PCDHGB3: variants seen among roughly 807,000 people sequenced by gnomAD.
PCDHGB3 encodes the protein protocadherin gamma subfamily B, 3, also known as protocadherin gamma-B3.
Under a neutral mutation model 59.2 loss-of-function variants are expected in PCDHGB3, and 40 were observed. The ratio of observed to expected loss-of-function variants is 0.68; its 90% CI spans 0.52 to 0.88. The LOEUF is 0.88. PCDHGB3 is among the 40% of genes least tolerant of loss of function. The probability of loss-of-function intolerance (pLI) is 0.00; values close to 1 mark genes in which losing one functional copy is unlikely to be tolerated. For synonymous variants in PCDHGB3, 581 were observed against 503.6 expected (o/e 1.15, Z -2.06); for missense variants, 1,309 against 1,187.9 (o/e 1.10, Z -1.50).
chr5:141,474,961 AATC>A (rs2099357151), intron 1 of PCDHGB3, among the ~76,000 whole-genome samples: 1 of 152,254 alleles, frequency 6.6e-6, no homozygotes, highest in African/African-American at 2.4e-5. Flanking sequence ...TCACTATCCT[AATC>A]ATTATAATTT....
Position 141,510,957 on chromosome 5 carries a change from T to C in PCDHGB3, c.2574T>C (p.Asp858=), listed in dbSNP as rs372617587. ...MILASASEAA[D]GSSTLGGGAG... ...CCTCTGTCTCTGCAGAAGCTGCTGA[T>C]GGGAGCTCCACCCTGGGAGGGGGTG... Residue 858 remains aspartate, a synonymous_variant, in exon 4 of 4, where the codon GAT becomes GAC. Transcript: ENST00000576222. 2.5e-6 allele frequency: 4 copies of C among 1,614,134 alleles called. No individual in the cohort carries two copies. The highest frequency in any genetic ancestry group is 3.4e-6 in the Non-Finnish European group (4 of 1,180,004).
intron 1 of PCDHGB3, chr5:141,377,997 G>C (rs1774530725): frequency 6.6e-6 from 1 of 152,122 alleles, no homozygotes; most frequent in African/African-American, 2.4e-5. Flanking sequence ...CCTAAAGCTT[G>C]GCTCAAATAA....
chr5:141,434,194 G>A (rs913533813), intron 1 of PCDHGB3, among the ~76,000 whole-genome samples: 7 of 152,190 alleles, frequency 4.6e-5, no homozygotes, highest in African/African-American at 4.8e-5. Flanking sequence ...TAATTCCAAT[G>A]TACTTACTTC....
At position 141,385,121 on chromosome 5, in the gene PCDHGB3, T is replaced by C. The variant is rs748623262; in HGVS notation, c.2415+12312T>C. On this transcript the variant is annotated intron_variant, in intron 1 of 3. Transcript: ENST00000576222. The stretch of plus-strand genomic sequence containing the variant: ...GCGAACGTGCCCACCTCGCACTTTG[T>C]GGGCATGGACGGGGTGCAGGCTTTC... 14 of 1,614,214 alleles carry C rather than the reference T, an allele frequency of 8.7e-6. No homozygotes were observed. The Admixed American group carries it at 2.3e-4, about 27-fold the overall frequency.
chr5:141,415,056 G>T, intron 1 of PCDHGB3: 1 of 1,613,416 alleles, frequency 6.2e-7, no homozygotes. Context: ...GGGAGCACAC[G>T]GGCGAGGTGC....
intron 2 of PCDHGB3, among the ~76,000 whole-genome samples, chr5:141,502,478 A>G (rs2099814452): frequency 6.6e-6 from 1 of 150,896 alleles, no homozygotes; most frequent in Non-Finnish European, 1.5e-5. Flanking sequence ...CCGCAGCATC[A>G]CACTGGGACT....
rs1485856773 is a variant in PCDHGB3, at chr5:141,372,043, T to A, written c.1649T>A (p.Val550Glu). ...CTCAGCGCCAACGTGAGCCTGCGCG[T>A]GTTGGTGGACGACCGCAACGACAAT... ...PTLSANVSLR[V>E]LVDDRNDNAP... The change falls in exon 1 of 4, where the codon GTG becomes GAG. Residue 550 changes from valine to glutamate, a missense_variant. Coordinates refer to ENST00000576222, the MANE Select transcript of PCDHGB3 (RefSeq NM_018924.5). The A allele has an allele frequency of 1.9e-6, 3 of 1,613,326 alleles. No individual in the cohort carries two copies. The highest frequency in any genetic ancestry group is 1.7e-5 in the Admixed American group (1 of 59,994).
rs1344329529 is a variant in PCDHGB3, at chr5:141,456,847, C to T, written c.2416-37960C>T. Among the ~76,000 whole-genome samples the T allele has an allele frequency of 2.0e-5, 3 of 152,084 alleles. No homozygotes were observed. The East Asian group carries it at 5.8e-4, about 29-fold the overall frequency. ...TCGTGGTAGTGGGCGCCTGTAATCC[C>T]AGCTAATTGGGAGGCTGAGGCAGGA... On this transcript the variant is annotated intron_variant, in intron 1 of 3. Transcript: ENST00000576222.
chr5:141,495,034 A>C (rs986393420), intron 2 of PCDHGB3, 169 bp downstream of exon 2: 1 of 962,702 alleles, frequency 1.0e-6, no homozygotes, highest in Non-Finnish European at 1.2e-6. Context: ...CCCCGGAAGG[A>C]AGAGGCGACT....
intron 1 of PCDHGB3, among the ~76,000 whole-genome samples, chr5:141,494,399 T>A (rs2099754028): frequency 6.6e-6 from 1 of 152,146 alleles, no homozygotes; most frequent in South Asian, 2.1e-4. Context: ...ATAAATTCAT[T>A]CTAGGGCTGG....
In PCDHGB3 at chr5:141,432,645, C is replaced by A. The variant is rs758701539; in HGVS notation, c.2415+59836C>A. ...CTGCACACGGGCGAGGTGCGCACGG[C>A]GCGAGCCCTGCTGGACAGAGACGCG... On this transcript the variant is annotated intron_variant, in intron 1 of 3. Coordinates refer to ENST00000576222, the MANE Select transcript of PCDHGB3 (RefSeq NM_018924.5). This position sits in a 1 kb window ranked among gnomAD's most constrained non-coding sequence, Gnocchi z 6.0. The A allele has an allele frequency of 1.2e-5, 20 of 1,613,628 alleles. No individual in the cohort carries two copies. The highest frequency in any genetic ancestry group is 1.6e-4 in the Middle Eastern group (1 of 6,066).
chr5:141,491,641 C>T lies in PCDHGB3; in HGVS notation c.2416-3166C>T. Reference sequence around the variant, plus strand: ...CCTCAGCGTTCAGCAGCCCACAGCTCTGGCGCTGGAGCCTGACGCCATCCG... The same window carrying T: ...CCTCAGCGTTCAGCAGCCCACAGCTTTGGCGCTGGAGCCTGACGCCATCCG... On this transcript the variant is annotated intron_variant, in intron 1 of 3. Coordinates refer to ENST00000576222, the MANE Select transcript of PCDHGB3 (RefSeq NM_018924.5). The surrounding 1 kb of genome is among the most constrained non-coding windows in gnomAD (Gnocchi z 6.9). The T allele has an allele frequency of 6.2e-7, 1 of 1,613,896 alleles. No homozygotes were observed. Among genetic ancestry groups the T allele is most frequent in the Non-Finnish European group, 8.5e-7 (1 of 1,180,018 alleles).
chr5:141,407,798 A>T (rs2094982737), intron 1 of PCDHGB3, among the ~76,000 whole-genome samples: 1 of 152,256 alleles, frequency 6.6e-6, no homozygotes, highest in Non-Finnish European at 1.5e-5. Context: ...AACACAAAGC[A>T]TAGAAATATC....
intron 1 of PCDHGB3, chr5:141,433,358 C>CCCAT (rs1554125967): frequency 7.1e-5 from 36 of 503,934 alleles, no homozygotes; most frequent in African/African-American, 1.2e-4. Flanking sequence ...CTACTGTCTG[C>CCCAT]CTATCTATCT....
intron 1 of PCDHGB3, chr5:141,414,478 C>T (rs977591382): frequency 5.6e-6 from 9 of 1,613,884 alleles, no homozygotes; most frequent in Non-Finnish European, 3.4e-6. Flanking sequence ...GGGAAGTCCT[C>T]CTCTATCAAC....
rs1245731818 is a variant in PCDHGB3, at chr5:141,476,700, A to C, written c.2416-18107A>C. 1 of 1,614,096 alleles carries C rather than the reference A, an allele frequency of 6.2e-7. No homozygotes were observed. Among genetic ancestry groups the C allele is most frequent in the Non-Finnish European group, 8.5e-7 (1 of 1,180,016 alleles). On this transcript the variant is annotated intron_variant, in intron 1 of 3. Coordinates refer to ENST00000576222, the MANE Select transcript of PCDHGB3 (RefSeq NM_018924.5). This position sits in a 1 kb window ranked among gnomAD's most constrained non-coding sequence, Gnocchi z 7.6. Reference sequence around the variant, plus strand: ...CGGGAGGACAGCACCAAGTACGCGGAGCTGGTGTTGGAGCGCGCCCTGGAC... The same window carrying C: ...CGGGAGGACAGCACCAAGTACGCGGCGCTGGTGTTGGAGCGCGCCCTGGAC...
chr5:141,376,348 C>T (rs1293667748), intron 1 of PCDHGB3: 6 of 1,614,184 alleles, frequency 3.7e-6, no homozygotes, highest in Non-Finnish European at 4.2e-6. Context: ...CCTATTCCCA[C>T]GAGGTCTCAC....
chr5:141,460,936 A>G (rs189741735), intron 1 of PCDHGB3, among the ~76,000 whole-genome samples: 31 of 149,318 alleles, frequency 2.1e-4, no homozygotes, highest in Non-Finnish European at 3.8e-4. Flanking sequence ...GTGTGTGTGT[A>G]TATATATGTA....
chr5:141,422,916 C>T, intron 1 of PCDHGB3: 1 of 1,614,260 alleles, frequency 6.2e-7, no homozygotes, highest in Non-Finnish European at 8.5e-7. Context: ...CGCCCGAGAT[C>T]CTGTACCCTG....
Sources: gnomAD v4.1 joint callset for allele counts (sites outside exome capture counted in the v4.1 genomes callset) on GRCh38, gnomAD v4.1.1 for gene constraint, Gnocchi (gnomAD v3.1) non-coding constraint, MANE v1.5 for transcripts, NCBI Gene and HGNC (gene_info 2026-07-23, HGNC 2026-07-21) for gene names.